Variants in FCRL5 observed in about 807,000 individuals in gnomAD.
The protein encoded by FCRL5 is Fc receptor-like protein 5.
Under a neutral mutation model 92.1 loss-of-function variants are expected in FCRL5, and 79 were observed. The ratio of observed to expected loss-of-function variants is 0.86; its 90% CI spans 0.72 to 1.03. FCRL5 has a LOEUF of 1.03. Among genes scored for constraint, FCRL5 ranks in the 50% least tolerant of loss-of-function variants. FCRL5 has a pLI of 0.00. For missense variants in FCRL5, 1,160 were observed against 1,181.1 expected, an observed-to-expected ratio of 0.98 and a Z score of 0.26; for synonymous variants, 466 against 469.3, an observed-to-expected ratio of 0.99 and a Z score of 0.09.
At chr1:157,549,487 A>G in intron 2 of FCRL5, 73 bp downstream of exon 2, 1 of 1,384,018 alleles carries the variant, frequency 7.2e-7, no homozygotes, top group South Asian at 1.3e-5. Context: ...CAGCCATCAC[A>G]AATGTTTTCT....
chr1:157,534,923 G>A (rs769221722), intron 7 of FCRL5, 31 bp from the exon 8 acceptor site: 207 of 1,514,438 alleles, frequency 1.4e-4, no homozygotes, highest in Non-Finnish European at 1.6e-4. Flanking sequence ...ATCAAGAGTT[G>A]CTTTTGCCTC....
intron 1 of FCRL5, among the ~76,000 whole-genome samples, chr1:157,550,926 A>G (rs1651781844): frequency 6.6e-6 from 1 of 152,186 alleles, no homozygotes; most frequent in Non-Finnish European, 1.5e-5. Flanking sequence ...GAAATCCAGG[A>G]GTGTGTGAGA....
At chr1:157,540,648 C>A (rs1360659080) in intron 6 of FCRL5, among the ~76,000 whole-genome samples, 15 of 152,048 alleles carry the variant, frequency 9.9e-5, no homozygotes, top group Admixed American at 9.8e-4. Flanking sequence ...CCTTTAACAT[C>A]TCTACTTCTT....
intron 10 of FCRL5, chr1:157,523,952 AG>A (rs1469606118): frequency 7.4e-6 from 3 of 407,316 alleles, no homozygotes; most frequent in Non-Finnish European, 1.3e-5. Flanking sequence ...TTTCTACGGC[AG>A]AGAAACATAT....
chr1:157,526,157 G>C (rs2101607358), intron 9 of FCRL5, among the ~76,000 whole-genome samples: 1 of 152,270 alleles, frequency 6.6e-6, no homozygotes, highest in Middle Eastern at 3.4e-3. Context: ...GGAGAGAAGA[G>C]AGCCAGAAGA....
intron 5 of FCRL5, among the ~76,000 whole-genome samples, 200 bp downstream of exon 5, chr1:157,544,062 A>T (rs984897422): frequency 6.6e-6 from 1 of 152,230 alleles, no homozygotes; most frequent in Non-Finnish European, 1.5e-5. Context: ...AAAAAAAATT[A>T]GACCTTTCTT....
intron 8 of FCRL5, 199 bp downstream of exon 8, chr1:157,534,415 T>C (rs1191713910): frequency 2.8e-6 from 2 of 720,638 alleles, no homozygotes; most frequent in Non-Finnish European, 5.1e-6. Context: ...AGCTGGGGAA[T>C]CTACTGAGCT....
chr1:157,544,414 T>A lies in FCRL5; in HGVS notation c.692A>T (p.Asp231Val). The A allele has an allele frequency of 6.2e-7, 1 of 1,614,188 alleles. No homozygotes were observed. Reference sequence around the variant, plus strand: ...CCAGCCTAATCCCAGGGTCTGGTCATCTCTGAAGAAGCGGAACCGGAGCGG... The same window carrying A: ...CCAGCCTAATCCCAGGGTCTGGTCAACTCTGAAGAAGCGGAACCGGAGCGG... ...DVPLRFRFFR[D>V]DQTLGLGWSL... The change falls in exon 5 of 17, where the codon GAT becomes GTT. Residue 231 changes from aspartate (D) to valine (V), a missense_variant. Transcript: ENST00000361835.
At chr1:157,550,307 C>G (rs1317125409) in intron 1 of FCRL5, among the ~76,000 whole-genome samples, 1 of 152,132 alleles carries the variant, frequency 6.6e-6, no homozygotes, top group Non-Finnish European at 1.5e-5. Context: ...ATGGAGCACT[C>G]TGTCAGTGGA....
chr1:157,549,280 T>G (rs528264501), intron 2 of FCRL5, among the ~76,000 whole-genome samples: 3 of 103,212 alleles, frequency 2.9e-5, no homozygotes, highest in Non-Finnish European at 5.4e-5. Flanking sequence ...CTCCAGGGCC[T>G]GTTGTGGGGT....
At chr1:157,526,412 C>G (rs1275499774) in intron 9 of FCRL5, among the ~76,000 whole-genome samples, 1 of 151,980 alleles carries the variant, frequency 6.6e-6, no homozygotes, top group Non-Finnish European at 1.5e-5. Context: ...GGAAGTTTAG[C>G]CATGAAGGGG....
At position 157,534,442 on chromosome 1, in the gene FCRL5, T is replaced by C. The variant is rs997907525; in HGVS notation, c.1681+172A>G. The C allele has an allele frequency of 3.9e-6, 3 of 764,478 alleles. No individual in the cohort carries two copies. The African/African-American group carries it at 5.2e-5, about 13-fold the overall frequency. 47.4% of individuals were successfully genotyped at this position (764,478 alleles called of 1,614,324 possible). A position where few individuals can be genotyped will look rare whatever the true frequency, so the allele number is the denominator to read the frequency against. On this transcript the variant is annotated intron_variant, in intron 8 of 16. Transcript: ENST00000361835. ...TACTGAGCTGTTTTAGGGGTCTGGC[T>C]GAGCCAGGACTTATGAGTACGGAAA...
intron 8 of FCRL5, among the ~76,000 whole-genome samples, chr1:157,530,368 T>G (rs1650641682): frequency 6.6e-6 from 1 of 152,220 alleles, no homozygotes; most frequent in African/African-American, 2.4e-5. Flanking sequence ...TACCTGATTT[T>G]ATTTTATTTT....
At position 157,545,059 on chromosome 1, in the gene FCRL5, G is replaced by A; in HGVS notation, c.331C>T (p.Leu111Phe). 6.2e-7 allele frequency: 1 copy of A among 1,612,684 alleles called. No homozygotes were observed. Among genetic ancestry groups the A allele is most frequent in the Non-Finnish European group, 8.5e-7 (1 of 1,180,020 alleles). ...SSASLILQAP[L>F]SVFEGDSVVL... Reference sequence around the variant, plus strand: ...ACAGAGTCTCCTTCAAACACAGAAAGTGGAGCTTGCAGGATCAGCGAAGCT... The same window carrying A: ...ACAGAGTCTCCTTCAAACACAGAAAATGGAGCTTGCAGGATCAGCGAAGCT... The change falls in exon 4 of 17, where the codon CTT becomes TTT. Residue 111 changes from leucine (L) to phenylalanine (F), a missense_variant. Physicochemically the swap from Leu to Phe is conservative, Grantham distance 22. Transcript: ENST00000361835.
At chr1:157,541,982 G>C (rs11264759) in intron 6 of FCRL5, 12,269 of 155,648 alleles carry the variant, frequency 0.079, 1,340 homozygotes, top group African/African-American at 0.24. Flanking sequence ...GATGTCTCCC[G>C]CTGGGTTCCC....
At chr1:157,529,588 C>T (rs1650594772) in intron 8 of FCRL5, among the ~76,000 whole-genome samples, 2 of 82,794 alleles carry the variant, frequency 2.4e-5, no homozygotes, top group African/African-American at 8.9e-5. Flanking sequence ...AAATGTGATA[C>T]ATACGCATGT....
At chr1:157,546,356 G>C (rs1651535146) in intron 3 of FCRL5, 1 of 376,434 alleles carries the variant, frequency 2.7e-6, no homozygotes, top group Non-Finnish European at 5.3e-6. Flanking sequence ...ACCGAGGTGG[G>C]AGAATTGCTT....
Position 157,543,674 on chromosome 1 carries a change from A to G in FCRL5, c.845-537T>C, listed in dbSNP as rs545535282. 1.5e-4 allele frequency among the ~76,000 whole-genome samples: 23 copies of G among 152,278 alleles called. 1 individual carries two copies. In the South Asian group the frequency reaches 4.8e-3, roughly 32 times the overall value. ...GAGTGGAGGGATGACACAGGGCTCT[A>G]CAGAAGCTGTTTTTCCCTCATCACT... On this transcript the variant is annotated intron_variant, in intron 5 of 16. Transcript: ENST00000361835.
chr1:157,544,410 G>A lies in FCRL5; in HGVS notation c.696C>T (p.Asp232=), dbSNP rs137925248. 14 of 1,614,114 alleles carry A rather than the reference G, an allele frequency of 8.7e-6. No individual in the cohort carries two copies. The African/African-American group carries it at 1.5e-4, about 17-fold the overall frequency. The change falls in exon 5 of 17, where the codon GAC becomes GAT. Residue 232 remains aspartate (D), a synonymous_variant. Transcript: ENST00000361835. ...GACTCCAGCCTAATCCCAGGGTCTG[G>A]TCATCTCTGAAGAAGCGGAACCGGA... ...VPLRFRFFRD[D]QTLGLGWSLS...
Sources: gnomAD v4.1 joint callset for allele counts (sites outside exome capture counted in the v4.1 genomes callset) on GRCh38, gnomAD v4.1.1 for gene constraint, MANE v1.5 for transcripts, NCBI Gene and HGNC (gene_info 2026-07-23, HGNC 2026-07-21) for gene names.